Variants in PLCG2 observed in about 807,000 individuals in gnomAD.
The protein encoded by PLCG2 is 1-phosphatidylinositol 4,5-bisphosphate phosphodiesterase gamma-2.
In PLCG2, 69 loss-of-function variants were observed where a neutral mutation model predicts 175.6. That is an observed-to-expected ratio of 0.39 (90% confidence interval 0.32 to 0.48). The LOEUF is 0.48. Ranked by LOEUF, PLCG2 falls within the 20% of genes least tolerant of loss-of-function variation. The probability of loss-of-function intolerance (pLI) is 0.91; values close to 1 mark genes in which losing one functional copy is unlikely to be tolerated. For synonymous variants in PLCG2, 827 were observed against 624.0 expected (o/e 1.33, Z -4.85); for missense variants, 1,798 against 1,650.9 (o/e 1.09, Z -1.54).
At chr16:81,839,553 C>T (rs554672809) in intron 2 of PLCG2, among the ~76,000 whole-genome samples, 36 of 152,138 alleles carry the variant, frequency 2.4e-4, no homozygotes, top group East Asian at 2.3e-3. Context: ...ATATCTAATA[C>T]TTATTTTAAT....
chr16:81,795,261 G>A (rs774665752), intron 2 of PLCG2, among the ~76,000 whole-genome samples: 24 of 152,146 alleles, frequency 1.6e-4, no homozygotes, highest in Non-Finnish European at 3.2e-4. Flanking sequence ...CTGTAATAAG[G>A]AGTCATTAGT....
At position 81,828,822 on chromosome 16, in the gene PLCG2, A is replaced by T. The variant is rs117980239; in HGVS notation, c.194-25622A>T. 9.6e-3 allele frequency among the ~76,000 whole-genome samples: 1,459 copies of T among 152,228 alleles called. 11 individuals are homozygous for T. Among genetic ancestry groups the T allele is most frequent in the Non-Finnish European group, 0.017 (1,171 of 68,022 alleles). ...TACATAGAAGGTTTCAACAAATGTG[A>T]ATTTATTTCCCCTTAACTTGCATTC... On this transcript the variant is annotated intron_variant, in intron 2 of 32. Transcript: ENST00000564138.
At chr16:81,790,274 G>A (rs1017291867) in intron 2 of PLCG2, among the ~76,000 whole-genome samples, 3 of 152,220 alleles carry the variant, frequency 2.0e-5, no homozygotes, top group Non-Finnish European at 4.4e-5. Flanking sequence ...GTTTGGACTG[G>A]AGGGGAGTAG....
At chr16:81,787,890 C>G (rs747402650) in intron 2 of PLCG2, among the ~76,000 whole-genome samples, 1 of 152,122 alleles carries the variant, frequency 6.6e-6, no homozygotes, top group Non-Finnish European at 1.5e-5. Flanking sequence ...CACTTTGTTG[C>G]GTGGATCAGA....
intron 2 of PLCG2, among the ~76,000 whole-genome samples, chr16:81,834,336 G>A (rs1905402500): frequency 6.6e-6 from 1 of 152,296 alleles, no homozygotes. Flanking sequence ...TCTGCTGGCT[G>A]CTGGCAGAAT....
In PLCG2 at chr16:81,910,019, GT is replaced by G. The variant is rs373980906; in HGVS notation, c.1734-500del. On this transcript the variant is annotated intron_variant, in intron 17 of 32. Coordinates refer to ENST00000564138, the MANE Select transcript of PLCG2 (RefSeq NM_002661.5). ...TAAAAGGGGGATGGGGTGGGGTGGG[GT>G]GGGGGAAGTAGGTAGAATGTTCTGG... 1.5e-3 allele frequency among the ~76,000 whole-genome samples: 218 copies of G among 142,914 alleles called. 8 individuals are homozygous for G. The highest frequency in any genetic ancestry group is 6.7e-3 in the Admixed American group (96 of 14,234). The allele number at this position is 142,914 out of a possible 152,430, so 93.8% of individuals were successfully genotyped here.
chr16:81,745,553 G>T (rs1909687492), intron 1 of PLCG2, among the ~76,000 whole-genome samples: 1 of 152,150 alleles, frequency 6.6e-6, no homozygotes, highest in African/African-American at 2.4e-5. Context: ...TTACCAGCTG[G>T]ATGTCAACCC....
chr16:81,957,886 T>C, intron 32 of PLCG2, 70 bp from the exon 33 acceptor site: 1 of 1,317,888 alleles, frequency 7.6e-7, no homozygotes, highest in Non-Finnish European at 1.1e-6. Flanking sequence ...GAAAGAGAAA[T>C]GTTACAGAGT....
intron 7 of PLCG2, among the ~76,000 whole-genome samples, chr16:81,874,968 T>TTTTTATTTTTTA (rs1907705508): frequency 6.9e-6 from 1 of 145,736 alleles, no homozygotes; most frequent in African/African-American, 2.5e-5. Flanking sequence ...TTTTTTTTTT[T>TTTTTATTTTTTA]TTTTTTTTTA....
chr16:81,770,253 C>T (rs562297953), intron 2 of PLCG2, among the ~76,000 whole-genome samples: 30 of 152,224 alleles, frequency 2.0e-4, no homozygotes, highest in Admixed American at 1.2e-3. Context: ...GGGTGCTGCT[C>T]ATCACCACCT....
At chr16:81,848,290 G>C (rs1906226334) in intron 2 of PLCG2, among the ~76,000 whole-genome samples, 1 of 152,208 alleles carries the variant, frequency 6.6e-6, no homozygotes, top group Non-Finnish European at 1.5e-5. Flanking sequence ...AGAAGCAAGA[G>C]AGGGGTGTTC....
intron 1 of PLCG2, among the ~76,000 whole-genome samples, chr16:81,747,306 G>A (rs544895040): frequency 1.6e-4 from 25 of 152,218 alleles, no homozygotes; most frequent in African/African-American, 4.6e-4. Flanking sequence ...AGGCTGAGGC[G>A]GGCAGATCAC....
Position 81,938,883 on chromosome 16 carries a change from A to T in PLCG2, c.3281A>T (p.Tyr1094Phe), listed in dbSNP as rs374901017. ...GAAGTGGAGATCTGTGGAGCCGAGT[A>T]TGACAACAACAAGTTCAAGACGACG... The part of the protein sequence containing the change: ...FVEVEICGAE[Y>F]DNNKFKTTVV... The change falls in exon 29 of 33, where the codon TAT (tyrosine) becomes TTT (phenylalanine). Residue 1094 changes from tyrosine (Y) to phenylalanine (F), a missense_variant. Transcript: ENST00000564138. 1 of 1,612,066 alleles carries T rather than the reference A, an allele frequency of 6.2e-7. No individual in the cohort carries two copies. The highest frequency in any genetic ancestry group is 1.1e-5 in the South Asian group (1 of 90,944).
At position 81,893,745 on chromosome 16, in the gene PLCG2, C is replaced by T. The variant is rs1417360536; in HGVS notation, c.1023C>T (p.Ser341=). Residue 341 remains serine (S), a synonymous_variant, in exon 12 of 33, where the codon TCC becomes TCT. Transcript: ENST00000564138. ...GTGACCAGCTGCGGAGCGAGTCGTC[C>T]CCAGAAGCTTACATCCGCTGCCTGC... The part of the protein sequence containing the change: ...LTGDQLRSES[S]PEAYIRCLRM... 2 of 1,612,834 alleles carry T rather than the reference C, an allele frequency of 1.2e-6. No individual in the cohort carries two copies. The highest frequency in any genetic ancestry group is 2.2e-5 in the East Asian group (1 of 44,872).
At chr16:81,835,421 C>A (rs1905463213) in intron 2 of PLCG2, among the ~76,000 whole-genome samples, 1 of 151,646 alleles carries the variant, frequency 6.6e-6, no homozygotes, top group Non-Finnish European at 1.5e-5. Context: ...CATGGCGAAA[C>A]CCCATCTCTA....
rs1910702357 is a variant in PLCG2 at position 81,936,163 on chromosome 16, G to A, written c.2843-6G>A. On this transcript the variant is annotated splice_polypyrimidine_tract_variant and splice_region_variant and intron_variant, in intron 26 of 32. Coordinates refer to ENST00000564138, the MANE Select transcript of PLCG2 (RefSeq NM_002661.5). ...AAGTACTGATGACCTTTTTCTCTGT[G>A]TGCAGAAAATCCTGACTTCCGAGAA... 6.2e-7 allele frequency: 1 copy of A among 1,613,560 alleles called. No individual in the cohort carries two copies. Among genetic ancestry groups the A allele is most frequent in the African/African-American group, 1.3e-5 (1 of 74,910 alleles).
chr16:81,895,524 C>T (rs1486513334), intron 12 of PLCG2: 3 of 340,848 alleles, frequency 8.8e-6, no homozygotes, highest in Non-Finnish European at 1.6e-5. Flanking sequence ...TGTGCCACTG[C>T]ACTCCAGCCT....
intron 21 of PLCG2, 140 bp downstream of exon 21, chr16:81,921,409 G>A (rs1195619867): frequency 7.2e-6 from 5 of 689,786 alleles, no homozygotes; most frequent in Non-Finnish European, 1.3e-5. Flanking sequence ...TTTTTTTTGA[G>A]AAGAAAGGAT....
chr16:81,786,000 C>T lies in PLCG2; in HGVS notation c.11C>T (p.Thr4Met), dbSNP rs199972098. MST[T>M]VNVDSLAEYE... ...CTGGAGCGGCCGACAATGTCCACCA[C>T]GGTCAATGTAGATTCCCTTGCGGAA... The change falls in exon 2 of 33, where the codon ACG becomes ATG. Residue 4 changes from threonine (T) to methionine (M), a missense_variant. Thr to Met is a moderately conservative substitution (Grantham distance 81). Coordinates refer to ENST00000564138, the MANE Select transcript of PLCG2 (RefSeq NM_002661.5). 194 of 1,613,544 alleles carry T rather than the reference C, an allele frequency of 1.2e-4. 1 individual carries two copies. The highest frequency in any genetic ancestry group is 6.4e-4 in the African/African-American group (48 of 75,020).
Sources: gnomAD v4.1 joint callset for allele counts (sites outside exome capture counted in the v4.1 genomes callset) on GRCh38, gnomAD v4.1.1 for gene constraint, MANE v1.5 for transcripts, NCBI Gene and HGNC (gene_info 2026-07-23, HGNC 2026-07-21) for gene names.